The following MITF variants were observed in gnomAD, a reference collection of about 807,000 sequenced individuals.
MITF encodes melanocyte inducing transcription factor.
MITF carries 17 observed loss-of-function variants against 60.5 expected under a neutral mutation model. The observed-to-expected ratio is 0.28, with a 90% confidence interval of 0.19 to 0.42. The LOEUF (loss-of-function observed/expected upper bound fraction) is 0.42, where lower values mean the gene tolerates loss of function less well. Ranked by LOEUF, MITF falls within the 10% of genes least tolerant of loss-of-function variation. The pLI, the probability that MITF is intolerant of heterozygous loss-of-function variation, is 1.00. For missense variants in MITF, 622 were observed against 683.5 expected, an observed-to-expected ratio of 0.91 and a Z score of 1.00; for synonymous variants, 260 against 248.5, an observed-to-expected ratio of 1.05 and a Z score of -0.43.
intron 1 of MITF, among the ~76,000 whole-genome samples, chr3:69,781,857 G>C (rs1304714115): frequency 1.3e-5 from 2 of 152,128 alleles, no homozygotes; most frequent in South Asian, 2.1e-4. Flanking sequence ...ATCTCTTGTC[G>C]AAGGCTTGGC....
chr3:69,956,618 CTAAAG>C (rs1416152681), intron 8 of MITF, 88 bp downstream of exon 8: 11 of 1,111,186 alleles, frequency 9.9e-6, no homozygotes, highest in African/African-American at 1.5e-5. Flanking sequence ...GTTGTAAAAA[CTAAAG>C]TAAAGAAGTC....
At chr3:69,786,924 C>G (rs903244709) in intron 1 of MITF, among the ~76,000 whole-genome samples, 2 of 152,100 alleles carry the variant, frequency 1.3e-5, no homozygotes, top group African/African-American at 2.4e-5. Context: ...GACCATAGGC[C>G]TGGAGTTATC....
chr3:69,952,678 A>G (rs1397718093), intron 7 of MITF, among the ~76,000 whole-genome samples: 1 of 152,140 alleles, frequency 6.6e-6, no homozygotes, highest in African/African-American at 2.4e-5. Flanking sequence ...GTTGGTTTCA[A>G]TTTGGCATTG....
chr3:69,953,320 G>A (rs2066303055), intron 7 of MITF, among the ~76,000 whole-genome samples: 1 of 152,026 alleles, frequency 6.6e-6, no homozygotes, highest in Non-Finnish European at 1.5e-5. Context: ...AAAAACAATA[G>A]ATACCTGTAA....
At chr3:69,825,294 A>C (rs1336431117) in intron 1 of MITF, among the ~76,000 whole-genome samples, 1 of 152,184 alleles carries the variant, frequency 6.6e-6, no homozygotes, top group African/African-American at 2.4e-5. Context: ...GTGCTATTAT[A>C]TATTTCCCTG....
intron 2 of MITF, among the ~76,000 whole-genome samples, chr3:69,920,122 G>A (rs1178794571): frequency 6.6e-6 from 1 of 152,212 alleles, no homozygotes; most frequent in Non-Finnish European, 1.5e-5. Flanking sequence ...AGGGGACTTA[G>A]TGAGGTGTGA....
intron 2 of MITF, among the ~76,000 whole-genome samples, chr3:69,892,105 T>A (rs778148299): frequency 6.6e-6 from 1 of 152,208 alleles, no homozygotes; most frequent in Non-Finnish European, 1.5e-5. Flanking sequence ...CTAATAAATG[T>A]AGATGCTGCT....
intron 1 of MITF, among the ~76,000 whole-genome samples, chr3:69,820,025 G>A (rs1192009225): frequency 6.6e-6 from 1 of 152,152 alleles, no homozygotes; most frequent in Non-Finnish European, 1.5e-5. Flanking sequence ...GTCCAATGTG[G>A]TAGCTATTGA....
intron 7 of MITF, among the ~76,000 whole-genome samples, chr3:69,953,082 C>G (rs563745426): frequency 6.6e-6 from 1 of 152,194 alleles, no homozygotes; most frequent in East Asian, 1.9e-4. Context: ...CCTGTGGGTG[C>G]TGGTTTTTAC....
chr3:69,865,881 C>T (rs1320886075), intron 1 of MITF, among the ~76,000 whole-genome samples: 3 of 152,144 alleles, frequency 2.0e-5, no homozygotes, highest in Non-Finnish European at 2.9e-5. Flanking sequence ...TCTGTGACTC[C>T]AGTAAGTGTT....
At chr3:69,911,031 A>G (rs1460557450) in intron 2 of MITF, among the ~76,000 whole-genome samples, 1 of 152,022 alleles carries the variant, frequency 6.6e-6, no homozygotes, top group Admixed American at 6.6e-5. Context: ...CAGAATTCCC[A>G]CATGTTGTGG....
rs901062035 is a variant in MITF, at chr3:69,839,687, G to A, written c.105-39447G>A. Among the ~76,000 whole-genome samples the A allele has an allele frequency of 2.6e-5, 4 of 151,664 alleles. No homozygotes were observed. In the East Asian group the frequency reaches 7.7e-4, roughly 29 times the overall value. ...CTGAATGGTAGTTATATCTATGTGGGGGCTCAGAAGGGAACCGACTTTCCA... is the reference window on the plus strand; with the variant it reads ...CTGAATGGTAGTTATATCTATGTGGAGGCTCAGAAGGGAACCGACTTTCCA... On this transcript the variant is annotated intron_variant, in intron 1 of 9. Transcript: ENST00000352241.
At chr3:69,913,878 A>C (rs1325361111) in intron 2 of MITF, among the ~76,000 whole-genome samples, 1 of 152,182 alleles carries the variant, frequency 6.6e-6, no homozygotes, top group South Asian at 2.1e-4. Flanking sequence ...TCTAGATTTG[A>C]TATAGTGCTT....
chr3:69,855,793 G>A (rs1197386587), intron 1 of MITF, among the ~76,000 whole-genome samples: 1 of 152,168 alleles, frequency 6.6e-6, no homozygotes, highest in East Asian at 1.9e-4. Flanking sequence ...CAGCATTAGA[G>A]GAGAGGTCTT....
At chr3:69,848,457 A>C (rs1303398408) in intron 1 of MITF, among the ~76,000 whole-genome samples, 1 of 152,216 alleles carries the variant, frequency 6.6e-6, no homozygotes, top group Non-Finnish European at 1.5e-5. Flanking sequence ...TATTCTCCAC[A>C]CATTTCCTCG....
rs2066681026 is a variant in MITF, at chr3:69,965,949, AC to A, written c.*702del. The A allele has an allele frequency of 4.3e-6, 1 of 231,908 alleles. No individual in the cohort carries two copies. Among genetic ancestry groups the A allele is most frequent in the Admixed American group, 5.6e-5 (1 of 17,750 alleles). 14.4% of individuals were successfully genotyped at this position (231,908 alleles called of 1,614,324 possible). A position where few individuals can be genotyped will look rare whatever the true frequency, so the allele number is the denominator to read the frequency against. ...TTGCTCTCTTTTATTCTGTGCTGTT[AC>A]AGTTTTCTTCATCAATGAGTGTGAT... On this transcript the variant is annotated 3_prime_UTR_variant, in exon 10 of 10. Coordinates refer to ENST00000352241, the MANE Select transcript of MITF (RefSeq NM_001354604.2).
chr3:69,820,601 A>C (rs2063253770), intron 1 of MITF, among the ~76,000 whole-genome samples: 1 of 152,152 alleles, frequency 6.6e-6, no homozygotes. Context: ...TTGGATTCTG[A>C]TGGCCTGGTA....
At chr3:69,911,068 T>C (rs1180398868) in intron 2 of MITF, among the ~76,000 whole-genome samples, 1 of 151,992 alleles carries the variant, frequency 6.6e-6, no homozygotes, top group Non-Finnish European at 1.5e-5. Context: ...GGTAATTGAA[T>C]CATGGGGGGC....
intron 2 of MITF, among the ~76,000 whole-genome samples, chr3:69,892,209 C>T (rs1375779182): frequency 1.3e-5 from 2 of 152,050 alleles, no homozygotes; most frequent in African/African-American, 2.4e-5. Context: ...AAGCACAACT[C>T]GTAATCAAAT....
Sources: allele counts gnomAD v4.1 joint callset (sites outside exome capture counted in the v4.1 genomes callset), GRCh38; gene constraint gnomAD v4.1.1; transcripts MANE v1.5; gene names NCBI Gene and HGNC (gene_info 2026-07-23, HGNC 2026-07-21).